The following FOCAD variants were observed in gnomAD, a reference collection of about 807,000 sequenced individuals.
FOCAD encodes the protein KIAA1797.
Under a neutral mutation model 225.6 loss-of-function variants are expected in FOCAD, and 198 were observed. That is an observed-to-expected ratio of 0.88 (90% CI 0.78 to 0.99). The LOEUF is 0.99. FOCAD is among the 50% of genes least tolerant of loss of function. FOCAD has a pLI of 0.00. For synonymous variants in FOCAD, 897 were observed against 755.0 expected, an observed-to-expected ratio of 1.19 and a Z score of -3.08; for missense variants, 2,713 against 2,123.6, an observed-to-expected ratio of 1.28 and a Z score of -5.46.
chr9:20,894,963 C>T (rs1454860549), intron 21 of FOCAD, among the ~76,000 whole-genome samples: 3 of 151,948 alleles, frequency 2.0e-5, no homozygotes, highest in Non-Finnish European at 2.9e-5. Context: ...CTGTGTTTTA[C>T]GTTGATATCT....
intron 40 of FOCAD, among the ~76,000 whole-genome samples, chr9:20,987,197 T>C (rs756354023): frequency 2.0e-5 from 3 of 152,156 alleles, no homozygotes; most frequent in Non-Finnish European, 2.9e-5. Flanking sequence ...ATTGTTATGA[T>C]TTTTAGGAAA....
intron 35 of FOCAD, among the ~76,000 whole-genome samples, chr9:20,964,192 C>G (rs561220724): frequency 4.0e-5 from 6 of 151,878 alleles, no homozygotes; most frequent in Admixed American, 3.9e-4. Context: ...ATGGTGAAAC[C>G]CCGTCTATAC....
chr9:20,758,891 C>G (rs904724059), intron 6 of FOCAD, among the ~76,000 whole-genome samples: 44 of 152,168 alleles, frequency 2.9e-4, no homozygotes, highest in Non-Finnish European at 1.3e-4. Context: ...CCAAAATCTC[C>G]TTAAGCTGAT....
At chr9:20,711,352 G>A (rs943334401) in intron 1 of FOCAD, among the ~76,000 whole-genome samples, 2 of 152,146 alleles carry the variant, frequency 1.3e-5, no homozygotes, top group African/African-American at 4.8e-5. Context: ...TAAGACTGTT[G>A]ATAGGAAGGC....
chr9:20,918,334 T>C (rs919186312), intron 24 of FOCAD, among the ~76,000 whole-genome samples: 2 of 152,254 alleles, frequency 1.3e-5, no homozygotes, highest in African/African-American at 4.8e-5. Context: ...GTAATTTTCA[T>C]ATTCACAAAG....
At chr9:20,983,804 G>C (rs1190439583) in intron 39 of FOCAD, among the ~76,000 whole-genome samples, 1 of 152,106 alleles carries the variant, frequency 6.6e-6, no homozygotes, top group Non-Finnish European at 1.5e-5. Flanking sequence ...CTATGACTTA[G>C]AGCTCTTTTG....
intron 27 of FOCAD, among the ~76,000 whole-genome samples, chr9:20,930,541 G>C (rs1835369718): frequency 6.6e-6 from 1 of 152,166 alleles, no homozygotes; most frequent in Non-Finnish European, 1.5e-5. Flanking sequence ...TGTTGGTGTG[G>C]ATAAACTGGA....
intron 1 of FOCAD, among the ~76,000 whole-genome samples, chr9:20,692,835 G>A (rs1445744944): frequency 6.6e-6 from 1 of 152,148 alleles, no homozygotes; most frequent in African/African-American, 2.4e-5. Flanking sequence ...GCCAGATGAA[G>A]GGGAGAGAAA....
chr9:20,806,529 G>A (rs986365782), intron 11 of FOCAD, among the ~76,000 whole-genome samples: 16 of 152,066 alleles, frequency 1.1e-4, no homozygotes, highest in African/African-American at 3.9e-4. Flanking sequence ...TTGATAAGGG[G>A]CATCCATAGA....
At chr9:20,872,492 AC>A (rs1319286696) in intron 18 of FOCAD, among the ~76,000 whole-genome samples, 6 of 45,298 alleles carry the variant, frequency 1.3e-4, no homozygotes, top group Non-Finnish European at 1.8e-4. Context: ...CCGACTCCCC[AC>A]CCCCCCTTAC....
At chr9:20,724,227 A>G (rs146341479) in intron 4 of FOCAD, among the ~76,000 whole-genome samples, 18 of 151,972 alleles carry the variant, frequency 1.2e-4, no homozygotes, top group South Asian at 2.1e-4. Flanking sequence ...ACAGCTTTCT[A>G]TTTTTTTTCT....
At chr9:20,798,146 C>A (rs1050993462) in intron 11 of FOCAD, among the ~76,000 whole-genome samples, 1 of 152,146 alleles carries the variant, frequency 6.6e-6, no homozygotes, top group African/African-American at 2.4e-5. Flanking sequence ...TGCTGGATTA[C>A]ATTTATTGAT....
At chr9:20,745,291 G>C (rs1827954251) in intron 5 of FOCAD, among the ~76,000 whole-genome samples, 1 of 151,738 alleles carries the variant, frequency 6.6e-6, no homozygotes, top group Non-Finnish European at 1.5e-5. Flanking sequence ...GTAGAGGCAG[G>C]GTTGTCCAGG....
intron 35 of FOCAD, among the ~76,000 whole-genome samples, chr9:20,957,072 A>G (rs766693854): frequency 1.3e-5 from 2 of 152,142 alleles, no homozygotes; most frequent in African/African-American, 2.4e-5. Flanking sequence ...AATAACAGCT[A>G]TTATTTTTGA....
intron 25 of FOCAD, among the ~76,000 whole-genome samples, chr9:20,925,289 T>C (rs757645337): frequency 7.9e-5 from 12 of 152,220 alleles, no homozygotes; most frequent in Non-Finnish European, 1.5e-4. Context: ...CCCCTTTCTA[T>C]GATCCCTTCA....
intron 35 of FOCAD, among the ~76,000 whole-genome samples, chr9:20,973,354 C>T (rs1839936262): frequency 6.6e-6 from 1 of 151,632 alleles, no homozygotes; most frequent in African/African-American, 2.4e-5. Context: ...GGCTCTGCTT[C>T]TCCTTTTTCC....
chr9:20,697,226 C>T (rs1174806707), intron 1 of FOCAD, among the ~76,000 whole-genome samples: 1 of 152,192 alleles, frequency 6.6e-6, no homozygotes, highest in Non-Finnish European at 1.5e-5. Flanking sequence ...TGATTTATCT[C>T]CTGGATTATT....
chr9:20,866,385 C>A (rs779791448), intron 17 of FOCAD, among the ~76,000 whole-genome samples: 1 of 151,922 alleles, frequency 6.6e-6, no homozygotes, highest in African/African-American at 2.4e-5. Flanking sequence ...ATACCTAACT[C>A]ATGGATGAAT....
At chr9:20,688,801 G>A (rs1822807935) in intron 1 of FOCAD, among the ~76,000 whole-genome samples, 2 of 152,186 alleles carry the variant, frequency 1.3e-5, no homozygotes. Flanking sequence ...AGGAGAAAGA[G>A]CTAACTACAG....
Sources: allele counts gnomAD v4.1 joint callset (sites outside exome capture counted in the v4.1 genomes callset), GRCh38; gene constraint gnomAD v4.1.1; transcripts MANE v1.5; gene names NCBI Gene and HGNC (gene_info 2026-07-23, HGNC 2026-07-21).